The following DDR1 variants were observed in gnomAD, a reference collection of about 807,000 sequenced individuals.
The protein encoded by DDR1 is epithelial discoidin domain-containing receptor 1.
Under a neutral mutation model 97.4 loss-of-function variants are expected in DDR1, and 64 were observed. The observed-to-expected ratio is 0.66, with a 90% confidence interval of 0.54 to 0.81. DDR1 has a LOEUF of 0.81. Ranked by LOEUF, DDR1 falls within the 30% of genes least tolerant of loss-of-function variation. DDR1 has a pLI of 0.00. For synonymous variants in DDR1, 458 were observed against 503.7 expected (o/e 0.91, Z 1.21); for missense variants, 990 against 1,259.6 (o/e 0.79, Z 3.24).
chr6:30,899,738 TG>T lies in DDR1; in HGVS notation c.*447del. 1 of 349,520 alleles carries T rather than the reference TG, an allele frequency of 2.9e-6. No homozygotes were observed. The highest frequency in any genetic ancestry group is 4.5e-5 in the Admixed American group (1 of 22,410). The allele number at this position is 349,520 out of a possible 1,614,324, so 21.7% of individuals were successfully genotyped here. A position where few individuals can be genotyped will look rare whatever the true frequency, so the allele number is the denominator to read the frequency against. ...CACTGGACCCCACTGGCTGAGAATC[TG>T]GGGGTGAGGAGGACAAGAAGGAGAG... On this transcript the variant is annotated 3_prime_UTR_variant, in exon 18 of 18. Transcript: ENST00000376568.
upstream of DDR1, chr6:30,883,071 C>T (rs1784557442): frequency 6.6e-6 from 1 of 152,260 alleles, no homozygotes; most frequent in South Asian, 2.1e-4. The surrounding 1 kb of genome is among the most constrained non-coding windows in gnomAD (Gnocchi z 4.9). Flanking sequence ...CTGGGGCTGT[C>T]TGTTAGCAGG....
chr6:30,899,092 G>C, intron 17 of DDR1, 55 bp downstream of exon 17: 1 of 1,614,190 alleles, frequency 6.2e-7, no homozygotes, highest in Non-Finnish European at 8.5e-7. Context: ...AAGGGGCAGA[G>C]TTGTCATCTT....
rs1333994370 is a variant in DDR1, at chr6:30,889,178, C to T, written c.189-24C>T. The T allele has an allele frequency of 1.9e-6, 3 of 1,611,032 alleles. No homozygotes were observed. The highest frequency in any genetic ancestry group is 1.3e-5 in the African/African-American group (1 of 75,012). Reference sequence around the variant, plus strand: ...GGAGGCAGACCTGGGGCCAGATGTTCTCTGTGCCCCTCTTCACCCTCAGGT... The same window carrying T: ...GGAGGCAGACCTGGGGCCAGATGTTTTCTGTGCCCCTCTTCACCCTCAGGT... On this transcript the variant is annotated intron_variant, in intron 3 of 17. Coordinates refer to ENST00000376568, the MANE Select transcript of DDR1 (RefSeq NM_001297654.2). This position sits in a 1 kb window ranked among gnomAD's most constrained non-coding sequence, Gnocchi z 4.9.
Position 30,897,657 on chromosome 6 carries a change from CCCTCGCTTCAG to C in DDR1, c.2216+64_2216+74del. The stretch of plus-strand genomic sequence containing the variant: ...TTCCCCCAGGGGATCTCCTCCTCTC[CCCTCGCTTCAG>C]CCTGGAGGAAAAGAGGGGAGCGTGG... On this transcript the variant is annotated intron_variant, in intron 15 of 17. Transcript: ENST00000376568. This position sits in a 1 kb window ranked among gnomAD's most constrained non-coding sequence, Gnocchi z 5.2. 7.2e-7 allele frequency: 1 copy of C among 1,398,068 alleles called. No individual in the cohort carries two copies. Among genetic ancestry groups the C allele is most frequent in the Non-Finnish European group, 9.8e-7 (1 of 1,015,664 alleles). The allele number at this position is 1,398,068 out of a possible 1,614,324, so 86.6% of individuals were successfully genotyped here.
rs1787111539 is a variant in DDR1, at chr6:30,889,327, G to A, written c.314G>A (p.Arg105Gln). Residue 105 changes from arginine to glutamine, a missense_variant, in exon 4 of 18, where the codon CGG becomes CAG. By Grantham distance (43) the Arg-to-Gln change is conservative. Transcript: ENST00000376568. The surrounding 1 kb of genome is among the most constrained non-coding windows in gnomAD (Gnocchi z 4.9). ...HLVALVGTQG[R>Q]HAGGLGKEFS... is the part of the protein sequence containing the mutation. ...GTGGCTCTGGTGGGCACCCAGGGACGGCATGCCGGGGGCCTGGGCAAGGAG... is the reference window on the plus strand; with the variant it reads ...GTGGCTCTGGTGGGCACCCAGGGACAGCATGCCGGGGGCCTGGGCAAGGAG... 2 of 1,612,470 alleles carry A rather than the reference G, an allele frequency of 1.2e-6. No individual in the cohort carries two copies. Among genetic ancestry groups the A allele is most frequent in the Non-Finnish European group, 1.7e-6 (2 of 1,179,766 alleles).
At chr6:30,895,914 C>T (rs960610012) in intron 12 of DDR1, among the ~76,000 whole-genome samples, 1 of 152,166 alleles carries the variant, frequency 6.6e-6, no homozygotes, top group African/African-American at 2.4e-5. Context: ...TGTGTCCTCT[C>T]TCTGCAGTCC....
rs1166730860 is a variant in DDR1 at position 30,889,235 on chromosome 6, C to T, written c.222C>T (p.Cys74=). ...GCAGTGACGGGGATGGGGCCTGGTG[C>T]CCCGCAGGGTCGGTGTTTCCCAAGG... is the stretch of plus-strand genomic sequence containing the variant. ...LESSDGDGAW[C]PAGSVFPKEE... Residue 74 remains cysteine, a synonymous_variant, in exon 4 of 18, where the codon TGC becomes TGT. Coordinates refer to ENST00000376568, the MANE Select transcript of DDR1 (RefSeq NM_001297654.2). The surrounding 1 kb of genome is among the most constrained non-coding windows in gnomAD (Gnocchi z 4.9). 1.2e-6 allele frequency: 2 copies of T among 1,613,088 alleles called. No individual in the cohort carries two copies. The highest frequency in any genetic ancestry group is 2.2e-5 in the South Asian group (2 of 91,078).
At chr6:30,885,577 G>T (rs1415663047) in intron 1 of DDR1, 8 of 1,406,828 alleles carry the variant, frequency 5.7e-6, no homozygotes, top group African/African-American at 1.4e-5. Context: ...GTCTCATGCT[G>T]TCTTTTGGTC....
In DDR1 at chr6:30,898,905, G is replaced by T. The variant is rs993900172; in HGVS notation, c.2469G>T (p.Ala823=). The T allele has an allele frequency of 6.2e-7, 1 of 1,607,800 alleles. No individual in the cohort carries two copies. Among genetic ancestry groups the T allele is most frequent in the Non-Finnish European group, 8.5e-7 (1 of 1,174,920 alleles). The stretch of plus-strand genomic sequence containing the variant: ...CATCCCAGGGGAAGTTCACGACTGC[G>T]AGTGACGTGTGGGCCTTTGGTGTGA... The part of the protein sequence containing the change: ...ECILMGKFTT[A]SDVWAFGVTL... The change falls in exon 17 of 18, where the codon GCG becomes GCT. Residue 823 remains alanine (A), a synonymous_variant. Transcript: ENST00000376568.
chr6:30,897,580 G>C lies in DDR1; in HGVS notation c.2199G>C (p.Ala733=). ...AEGAPGDGQA[A]QGPTISYPML... ...GGGCCCCTGGGGACGGGCAGGCTGC[G>C]CAGGGGCCCACCATCAGGTACCTGC... The change falls in exon 15 of 18, where the codon GCG becomes GCC. Residue 733 remains alanine (A), a synonymous_variant. Coordinates refer to ENST00000376568, the MANE Select transcript of DDR1 (RefSeq NM_001297654.2). This position sits in a 1 kb window ranked among gnomAD's most constrained non-coding sequence, Gnocchi z 5.2. 1 of 1,611,566 alleles carries C rather than the reference G, an allele frequency of 6.2e-7. No individual in the cohort carries two copies. The highest frequency in any genetic ancestry group is 8.5e-7 in the Non-Finnish European group (1 of 1,179,716).
rs556218004 is a variant in DDR1, at chr6:30,889,369, G to T, written c.356G>T (p.Arg119Leu). 1 of 1,606,952 alleles carries T rather than the reference G, an allele frequency of 6.2e-7. No individual in the cohort carries two copies. The highest frequency in any genetic ancestry group is 1.7e-5 in the Admixed American group (1 of 59,542). Residue 119 changes from arginine (R) to leucine (L), a missense_variant, in exon 4 of 18, where the codon CGG becomes CTG. By Grantham distance (102) the Arg-to-Leu change is moderately radical (BLOSUM62 -2). Coordinates refer to ENST00000376568, the MANE Select transcript of DDR1 (RefSeq NM_001297654.2). This position sits in a 1 kb window ranked among gnomAD's most constrained non-coding sequence, Gnocchi z 4.9. Reference sequence around the variant, plus strand: ...GGCAAGGAGTTCTCCCGGAGCTACCGGCTGCGTTACTCCCGGGATGGTCGC... The same window carrying T: ...GGCAAGGAGTTCTCCCGGAGCTACCTGCTGCGTTACTCCCGGGATGGTCGC... The part of the protein sequence containing the change: ...GLGKEFSRSY[R>L]LRYSRDGRRW...
chr6:30,885,297 G>A (rs1179097092), intron 1 of DDR1: 3 of 1,519,348 alleles, frequency 2.0e-6, no homozygotes, highest in Admixed American at 4.0e-5. Context: ...TCTTCCCAGC[G>A]CTTCCAGCAG....
Position 30,898,083 on chromosome 6 carries a change from C to G in DDR1, c.2227C>G (p.Leu743Val), listed in dbSNP as rs1791598512. The change falls in exon 16 of 18, where the codon CTG becomes GTG. Residue 743 changes from leucine (L) to valine (V), a missense_variant. By Grantham distance (32) the Leu-to-Val change is conservative (BLOSUM62 1). Coordinates refer to ENST00000376568, the MANE Select transcript of DDR1 (RefSeq NM_001297654.2). ...CGGTTCCCTTCTCAGCTACCCAATG[C>G]TGCTGCATGTGGCAGCCCAGATCGC... ...AQGPTISYPM[L>V]LHVAAQIASG... 5 of 1,613,614 alleles carry G rather than the reference C, an allele frequency of 3.1e-6. No individual in the cohort carries two copies. The highest frequency in any genetic ancestry group is 4.2e-6 in the Non-Finnish European group (5 of 1,179,472).
chr6:30,888,480 G>A lies in DDR1; in HGVS notation c.-42-208G>A. 1.7e-6 allele frequency: 1 copy of A among 598,898 alleles called. No individual in the cohort carries two copies. The highest frequency in any genetic ancestry group is 2.9e-6 in the Non-Finnish European group (1 of 342,534). The allele number at this position is 598,898 out of a possible 1,614,324, so 37.1% of individuals were successfully genotyped here. On this transcript the variant is annotated intron_variant, in intron 1 of 17. Transcript: ENST00000376568. The surrounding 1 kb of genome is among the most constrained non-coding windows in gnomAD (Gnocchi z 4.2). ...AGTATCTACCTTATGAAGTGACTGT[G>A]AAGATAAAATTATGGATTCTGTTTA... is the stretch of plus-strand genomic sequence containing the variant.
rs755503620 is a variant in DDR1, at chr6:30,890,961, C to T, written c.418-12C>T. On this transcript the variant is annotated splice_polypyrimidine_tract_variant and intron_variant, in intron 4 of 17. Coordinates refer to ENST00000376568, the MANE Select transcript of DDR1 (RefSeq NM_001297654.2). This position sits in a 1 kb window ranked among gnomAD's most constrained non-coding sequence, Gnocchi z 5.0. ...ACTCCATCCCACCCACCCCCTGTTT[C>T]CTGGCCCACAGGTGATCTCAGGCAA... The T allele has an allele frequency of 1.9e-6, 3 of 1,566,972 alleles. No homozygotes were observed. Among genetic ancestry groups the T allele is most frequent in the Non-Finnish European group, 2.6e-6 (3 of 1,154,326 alleles).
At position 30,889,497 on chromosome 6, in the gene DDR1, C is replaced by G. The variant is rs1787209738; in HGVS notation, c.417+67C>G. On this transcript the variant is annotated intron_variant, in intron 4 of 17. Transcript: ENST00000376568. The surrounding 1 kb of genome is among the most constrained non-coding windows in gnomAD (Gnocchi z 4.9). Reference sequence around the variant, plus strand: ...CTCACTTCCAGCTGTACTTTAAACACCACCTATACGCTGACGACTCTCCAG... The same window carrying G: ...CTCACTTCCAGCTGTACTTTAAACAGCACCTATACGCTGACGACTCTCCAG... 2 of 1,171,468 alleles carry G rather than the reference C, an allele frequency of 1.7e-6. No individual in the cohort carries two copies. The highest frequency in any genetic ancestry group is 2.3e-6 in the Non-Finnish European group (2 of 853,910). 72.6% of individuals were successfully genotyped at this position (1,171,468 alleles called of 1,614,324 possible).
rs1786961726 is a variant in DDR1, at chr6:30,889,041, G to T, written c.188+31G>T. 2 of 1,608,970 alleles carry T rather than the reference G, an allele frequency of 1.2e-6. No individual in the cohort carries two copies. The highest frequency in any genetic ancestry group is 1.7e-6 in the Non-Finnish European group (2 of 1,176,502). On this transcript the variant is annotated intron_variant, in intron 3 of 17. Coordinates refer to ENST00000376568, the MANE Select transcript of DDR1 (RefSeq NM_001297654.2). This position sits in a 1 kb window ranked among gnomAD's most constrained non-coding sequence, Gnocchi z 4.9. ...TGGCACACCTGGCACACTTGTAGCT[G>T]CCCCGAGAGGAGCTCCTGGGACCTC...
chr6:30,894,553 C>T lies in DDR1; in HGVS notation c.1395C>T (p.Val465=). Residue 465 remains valine, a synonymous_variant, in exon 11 of 18, where the codon GTC becomes GTT. Transcript: ENST00000376568. The surrounding 1 kb of genome is among the most constrained non-coding windows in gnomAD (Gnocchi z 5.7). ...LEEELTVHLS[V]PGDTILINNR... is the part of the protein sequence containing the mutation. Reference sequence around the variant, plus strand: ...AGGAGCTGACGGTTCACCTCTCTGTCCCTGGGGACACTATCCTCATCAACA... The same window carrying T: ...AGGAGCTGACGGTTCACCTCTCTGTTCCTGGGGACACTATCCTCATCAACA... 1 of 1,613,268 alleles carries T rather than the reference C, an allele frequency of 6.2e-7. No individual in the cohort carries two copies. Among genetic ancestry groups the T allele is most frequent in the Non-Finnish European group, 8.5e-7 (1 of 1,179,616 alleles).
At position 30,891,387 on chromosome 6, in the gene DDR1, C is replaced by T; in HGVS notation, c.573C>T (p.Leu191=). 12 of 1,612,510 alleles carry T rather than the reference C, an allele frequency of 7.4e-6. No homozygotes were observed. Among genetic ancestry groups the T allele is most frequent in the Non-Finnish European group, 1.0e-5 (12 of 1,179,662 alleles). ...ELYGCLWRDG[L]LSYTAPVGQT... ...CCTCTCACCCTGCCCCAGATGGACT[C>T]CTGTCTTACACCGCCCCTGTGGGGC... The change falls in exon 6 of 18, where the codon CTC becomes CTT. Residue 191 remains leucine, a synonymous_variant. Coordinates refer to ENST00000376568, the MANE Select transcript of DDR1 (RefSeq NM_001297654.2). The surrounding 1 kb of genome is among the most constrained non-coding windows in gnomAD (Gnocchi z 5.3).
Sources: allele counts gnomAD v4.1 joint callset (sites outside exome capture counted in the v4.1 genomes callset), GRCh38; gene constraint gnomAD v4.1.1; non-coding constraint Gnocchi (gnomAD v3.1); transcripts MANE v1.5; gene names NCBI Gene and HGNC (gene_info 2026-07-23, HGNC 2026-07-21).